Variants in CMKLR1 observed in about 807,000 individuals in gnomAD.
CMKLR1 encodes chemerin chemokine-like receptor 1, also known as chemerin-like receptor 1.
A neutral mutation model predicts 8.2 loss-of-function variants in CMKLR1; 6 were observed. The ratio of observed to expected loss-of-function variants is 0.73; its 90% CI spans 0.40 to 1.44. The LOEUF is 1.44. Ranked by LOEUF, CMKLR1 falls within the 40% of genes most tolerant of loss-of-function variation. CMKLR1 has a pLI of 0.02. For missense variants in CMKLR1, 429 were observed against 478.0 expected (o/e 0.90, Z 0.96); for synonymous variants, 178 against 181.2 (o/e 0.98, Z 0.14).
In CMKLR1 at chr12:108,292,048, G is replaced by C; in HGVS notation, c.915C>G (p.Ala305=). 6.2e-7 allele frequency: 1 copy of C among 1,614,224 alleles called. No homozygotes were observed. The highest frequency in any genetic ancestry group is 8.5e-7 in the Non-Finnish European group (1 of 1,180,026). ...SLGLPLATAL[A]IANSCMNPIL... is the part of the protein sequence containing the mutation. The stretch of plus-strand genomic sequence containing the variant: ...TGGGGTTCATGCAGCTGTTGGCAAT[G>C]GCAAGGGCAGTGGCCAGGGGCAAAC... The change falls in exon 4 of 4, where the codon GCC becomes GCG. Residue 305 remains alanine (A), a synonymous_variant. Transcript: ENST00000550402.
chr12:108,332,326 A>G (rs1012361630), intron 1 of CMKLR1, among the ~76,000 whole-genome samples: 2 of 152,230 alleles, frequency 1.3e-5, no homozygotes, highest in African/African-American at 4.8e-5. Context: ...CAGGTGAATC[A>G]CTTGAGTCCA....
chr12:108,294,076 A>C (rs908352016), intron 2 of CMKLR1, among the ~76,000 whole-genome samples: 2 of 152,270 alleles, frequency 1.3e-5, no homozygotes, highest in Non-Finnish European at 2.9e-5. Context: ...CAGAGAAAAC[A>C]GGAGAAGACC....
At chr12:108,311,624 T>G (rs1454054303) in intron 2 of CMKLR1, among the ~76,000 whole-genome samples, 1 of 151,774 alleles carries the variant, frequency 6.6e-6, no homozygotes, top group Admixed American at 6.6e-5. Flanking sequence ...AGACTTTGCC[T>G]CCTAAAAAGA....
chr12:108,338,817 G>C (rs1892289657), intron 1 of CMKLR1, among the ~76,000 whole-genome samples: 1 of 152,222 alleles, frequency 6.6e-6, no homozygotes, highest in African/African-American at 2.4e-5. Context: ...ACTAGATGTG[G>C]AAATCCACAT....
chr12:108,315,325 C>CA (rs1310858249), intron 2 of CMKLR1, among the ~76,000 whole-genome samples: 1 of 152,162 alleles, frequency 6.6e-6, no homozygotes, highest in African/African-American at 2.4e-5. Flanking sequence ...ATGACAAAGA[C>CA]ATACTTGATA....
intron 2 of CMKLR1, among the ~76,000 whole-genome samples, chr12:108,306,706 C>A (rs2137311232): frequency 6.6e-6 from 1 of 152,298 alleles, no homozygotes; most frequent in South Asian, 2.1e-4. Context: ...GAATCAAGAC[C>A]AATGCCTTAC....
intron 2 of CMKLR1, among the ~76,000 whole-genome samples, chr12:108,304,158 A>C (rs1891347549): frequency 6.6e-6 from 1 of 152,174 alleles, no homozygotes; most frequent in Admixed American, 6.5e-5. Context: ...TTTACCCTCC[A>C]GCTCCTTCCC....
intron 1 of CMKLR1, among the ~76,000 whole-genome samples, chr12:108,331,084 G>T (rs1252414009): frequency 6.6e-6 from 1 of 152,168 alleles, no homozygotes; most frequent in African/African-American, 2.4e-5. Context: ...AGACAGAAAG[G>T]TTCTCATAAC....
chr12:108,293,619 A>C lies in CMKLR1; in HGVS notation c.-28T>G. 6.4e-7 allele frequency: 1 copy of C among 1,550,506 alleles called. No homozygotes were observed. Among genetic ancestry groups the C allele is most frequent in the Non-Finnish European group, 8.7e-7 (1 of 1,146,718 alleles). ...ACCGTTATGTTGTCTGCAGCTCTCCAATGTGAGTCCTCAGCCAATCAGTCC... is the reference window on the plus strand; with the variant it reads ...ACCGTTATGTTGTCTGCAGCTCTCCCATGTGAGTCCTCAGCCAATCAGTCC... On this transcript the variant is annotated 5_prime_UTR_variant, in exon 3 of 4. In the 5' UTR this introduces an upstream ATG that the reference lacks. Coordinates refer to ENST00000550402, the MANE Select transcript of CMKLR1 (RefSeq NM_001142343.2).
At chr12:108,324,472 C>T (rs1891936263) in intron 2 of CMKLR1, among the ~76,000 whole-genome samples, 1 of 152,060 alleles carries the variant, frequency 6.6e-6, no homozygotes, top group Admixed American at 6.5e-5. Flanking sequence ...CCTGAAAATC[C>T]ATGAGTTCTC....
At chr12:108,312,232 G>A (rs1891601741) in intron 2 of CMKLR1, among the ~76,000 whole-genome samples, 1 of 152,214 alleles carries the variant, frequency 6.6e-6, no homozygotes. Flanking sequence ...AGTGCCCAGT[G>A]GAACCAGGAC....
chr12:108,293,291 G>A (rs1891044715), intron 3 of CMKLR1, among the ~76,000 whole-genome samples: 1 of 152,152 alleles, frequency 6.6e-6, no homozygotes, highest in African/African-American at 2.4e-5. Context: ...AGGCAGACCT[G>A]TGATTTGAAT....
At position 108,291,305 on chromosome 12, in the gene CMKLR1, A is replaced by C. The variant is rs1890956506; in HGVS notation, c.*536T>G. 1 of 154,538 alleles carries C rather than the reference A, an allele frequency of 6.5e-6. No individual in the cohort carries two copies. The highest frequency in any genetic ancestry group is 1.4e-5 in the Non-Finnish European group (1 of 69,722). 9.6% of individuals were successfully genotyped at this position (154,538 alleles called of 1,614,324 possible). A position where few individuals can be genotyped will look rare whatever the true frequency, so the allele number is the denominator to read the frequency against. The stretch of plus-strand genomic sequence containing the variant: ...CATGGCCTATGGAGTTCATGGGCTG[A>C]TATGTCACCTTCCTCTCCCAGATCA... On this transcript the variant is annotated 3_prime_UTR_variant, in exon 4 of 4. Coordinates refer to ENST00000550402, the MANE Select transcript of CMKLR1 (RefSeq NM_001142343.2).
chr12:108,333,224 C>T (rs1484129597), intron 1 of CMKLR1, among the ~76,000 whole-genome samples: 1 of 132,518 alleles, frequency 7.5e-6, no homozygotes, highest in Non-Finnish European at 1.7e-5. Flanking sequence ...ATCTGAGGAC[C>T]CATGTCCTAT....
chr12:108,290,412 G>T lies in CMKLR1; in HGVS notation c.*1429C>A, dbSNP rs1890932088. 1 of 152,140 alleles carries T rather than the reference G, an allele frequency of 6.6e-6. No homozygotes were observed. The highest frequency in any genetic ancestry group is 2.4e-5 in the African/African-American group (1 of 41,420). The allele number at this position is 152,140 out of a possible 1,614,324, so 9.4% of individuals were successfully genotyped here. ...ATACCTAACTCAGGGTTGCTGTAAT[G>T]ATTAAATGAGAAAACATATGTAAAG... On this transcript the variant is annotated 3_prime_UTR_variant, in exon 4 of 4. Transcript: ENST00000550402.
chr12:108,297,312 T>A (rs936142992), intron 2 of CMKLR1, among the ~76,000 whole-genome samples: 22 of 152,260 alleles, frequency 1.4e-4, no homozygotes, highest in African/African-American at 5.1e-4. Context: ...CTTGATTGTA[T>A]GAGTACAGAA....
chr12:108,306,498 C>A (rs936725898), intron 2 of CMKLR1, among the ~76,000 whole-genome samples: 1 of 152,164 alleles, frequency 6.6e-6, no homozygotes, highest in South Asian at 2.1e-4. Flanking sequence ...CAAGTTCTTC[C>A]CATTTTGTCC....
At chr12:108,300,995 A>T (rs1675385438) in intron 2 of CMKLR1, among the ~76,000 whole-genome samples, 1 of 151,382 alleles carries the variant, frequency 6.6e-6, no homozygotes, top group Admixed American at 6.6e-5. Context: ...ACGTTCCATC[A>T]CTGTAGAGCA....
chr12:108,338,968 A>G (rs902726581), intron 1 of CMKLR1, 59 bp downstream of exon 1: 1 of 152,206 alleles, frequency 6.6e-6, no homozygotes, highest in Non-Finnish European at 1.5e-5. Context: ...CTCTGTTAGT[A>G]TTCATTCCCC....
Sources: gnomAD v4.1 joint callset for allele counts (sites outside exome capture counted in the v4.1 genomes callset) on GRCh38, gnomAD v4.1.1 for gene constraint, MANE v1.5 for transcripts, NCBI Gene and HGNC (gene_info 2026-07-23, HGNC 2026-07-21) for gene names.